SEPTIN7: variants seen among roughly 807,000 people sequenced by gnomAD.
SEPTIN7 encodes the protein septin-7.
In SEPTIN7, 10 loss-of-function variants were observed where a neutral mutation model predicts 63.3. The observed-to-expected ratio is 0.16, with a 90% CI of 0.10 to 0.27. The LOEUF (loss-of-function observed/expected upper bound fraction) is 0.27. Ranked by LOEUF, SEPTIN7 falls within the 10% of genes least tolerant of loss-of-function variation. The probability of loss-of-function intolerance (pLI) is 1.00; values close to 1 mark genes in which losing one functional copy is unlikely to be tolerated. For missense variants in SEPTIN7, 310 were observed against 521.0 expected (o/e 0.59, Z 3.94); for synonymous variants, 131 against 165.3 (o/e 0.79, Z 1.59).
At chr7:35,861,001 A>G (rs1785475722) in intron 3 of SEPTIN7, among the ~76,000 whole-genome samples, 1 of 151,476 alleles carries the variant, frequency 6.6e-6, no homozygotes. Context: ...GCTCTGTTTA[A>G]TTTTCTTCTT....
intron 1 of SEPTIN7, chr7:35,802,246 C>G (rs1245670582): frequency 5.5e-6 from 2 of 365,758 alleles, no homozygotes; most frequent in Non-Finnish European, 1.1e-5. Context: ...ATTTTCCACT[C>G]CTGAGTTCCA....
chr7:35,878,840 A>G (rs1786645117), intron 6 of SEPTIN7, among the ~76,000 whole-genome samples: 1 of 152,206 alleles, frequency 6.6e-6, no homozygotes, highest in South Asian at 2.1e-4. Flanking sequence ...CCCAGGTAGC[A>G]TATCCACTGG....
chr7:35,801,641 G>A (rs930641054), intron 1 of SEPTIN7, among the ~76,000 whole-genome samples: 1 of 152,154 alleles, frequency 6.6e-6, no homozygotes, highest in African/African-American at 2.4e-5. Context: ...TCCCGGGCCC[G>A]CCGGCTTCCG....
At chr7:35,883,767 C>T in intron 8 of SEPTIN7, 124 bp from the exon 9 acceptor site, 1 of 528,690 alleles carries the variant, frequency 1.9e-6, no homozygotes, top group South Asian at 3.3e-5. Context: ...AAAACTAATG[C>T]AGAAACTATC....
intron 10 of SEPTIN7, 122 bp from the exon 11 acceptor site, chr7:35,890,544 CTT>C (rs1787569482): frequency 6.2e-6 from 5 of 806,790 alleles, no homozygotes; most frequent in Middle Eastern, 4.3e-4. Context: ...TAACAATAGT[CTT>C]TTGTTCATTT....
intron 3 of SEPTIN7, among the ~76,000 whole-genome samples, chr7:35,854,569 C>G (rs1258950475): frequency 6.6e-6 from 1 of 152,224 alleles, no homozygotes; most frequent in Non-Finnish European, 1.5e-5. Flanking sequence ...TCCTGTAGTA[C>G]AGCTGTCTGG....
intron 4 of SEPTIN7, 74 bp from the exon 5 acceptor site, chr7:35,872,591 TC>T (rs1014786996): frequency 9.9e-6 from 11 of 1,114,648 alleles, no homozygotes; most frequent in Admixed American, 3.5e-5. Flanking sequence ...AACTCGAACG[TC>T]CCTACCATCA....
chr7:35,845,377 A>G (rs998262020), intron 3 of SEPTIN7, among the ~76,000 whole-genome samples: 1 of 152,188 alleles, frequency 6.6e-6, no homozygotes, highest in Non-Finnish European at 1.5e-5. Context: ...ATGGTAGACA[A>G]TGATATGCAG....
Position 35,802,379 on chromosome 7 carries a change from T to A in SEPTIN7, c.61+1109T>A, listed in dbSNP as rs148572063. On this transcript the variant is annotated intron_variant, in intron 1 of 13. Transcript: ENST00000350320. ...GGGTTTTTACAGTCCTAGGAAAGAATTTGTGACGTCCAGGTGTTTTCTTAG... is the reference window on the plus strand; with the variant it reads ...GGGTTTTTACAGTCCTAGGAAAGAAATTGTGACGTCCAGGTGTTTTCTTAG... 4.4e-3 allele frequency: 763 copies of A among 173,120 alleles called. 14 individuals carry two copies. The East Asian group carries it at 0.052, about 12-fold the overall frequency. The allele number at this position is 173,120 out of a possible 1,614,324, so 10.7% of individuals were successfully genotyped here.
At chr7:35,881,520 G>A (rs1289611735) in intron 7 of SEPTIN7, among the ~76,000 whole-genome samples, 1 of 149,014 alleles carries the variant, frequency 6.7e-6, no homozygotes, top group East Asian at 2.0e-4. Flanking sequence ...TTTAAATATA[G>A]GTACGTACCC....
At chr7:35,826,017 T>TA (rs1783494121) in intron 1 of SEPTIN7, among the ~76,000 whole-genome samples, 1 of 152,116 alleles carries the variant, frequency 6.6e-6, no homozygotes, top group East Asian at 1.9e-4. Flanking sequence ...ATGAGGAACA[T>TA]AAAAACTGAT....
chr7:35,892,814 A>G (rs1787728207), intron 11 of SEPTIN7, among the ~76,000 whole-genome samples: 2 of 152,162 alleles, frequency 1.3e-5, no homozygotes, highest in South Asian at 4.1e-4. Context: ...AAAGAGAGGA[A>G]TCATGACCAT....
chr7:35,866,220 TACTC>T (rs1019615235), intron 4 of SEPTIN7, among the ~76,000 whole-genome samples: 2 of 152,210 alleles, frequency 1.3e-5, no homozygotes, highest in African/African-American at 2.4e-5. Flanking sequence ...TTTGCCCACT[TACTC>T]AGGAAAGAAC....
chr7:35,864,713 G>A (rs1162237511), intron 4 of SEPTIN7, among the ~76,000 whole-genome samples: 11 of 152,088 alleles, frequency 7.2e-5, no homozygotes, highest in Non-Finnish European at 1.5e-4. Flanking sequence ...TTGTTTGTCA[G>A]CACTGCTCTA....
At chr7:35,865,011 TTC>T (rs1372620600) in intron 4 of SEPTIN7, among the ~76,000 whole-genome samples, 2 of 151,532 alleles carry the variant, frequency 1.3e-5, no homozygotes, top group Non-Finnish European at 2.9e-5. Flanking sequence ...TTCTCAATGT[TTC>T]TATTTTAGGA....
At chr7:35,890,511 A>G (rs1436525089) in intron 10 of SEPTIN7, 157 bp from the exon 11 acceptor site, 1 of 517,810 alleles carries the variant, frequency 1.9e-6, no homozygotes, top group East Asian at 3.9e-5. Context: ...GTGTAAATGA[A>G]AACAGATGAA....
rs1416168766 is a variant in SEPTIN7, at chr7:35,848,354, G to A, written c.170-15198G>A. Among the ~76,000 whole-genome samples the A allele has an allele frequency of 4.0e-5, 6 of 149,440 alleles. No individual in the cohort carries two copies. In the East Asian group the frequency reaches 9.9e-4, roughly 25 times the overall value. The stretch of plus-strand genomic sequence containing the variant: ...GTGATCTCGGCTCACTGCAAGCTCC[G>A]CCTCCCGGGTTCACGCCATTCTCCT... On this transcript the variant is annotated intron_variant, in intron 3 of 13. Transcript: ENST00000350320.
chr7:35,817,686 G>T (rs1483439857), intron 1 of SEPTIN7, among the ~76,000 whole-genome samples: 1 of 151,858 alleles, frequency 6.6e-6, no homozygotes, highest in African/African-American at 2.4e-5. Context: ...AGTATCTTCT[G>T]TTTATTTAGG....
rs141677770 is a variant in SEPTIN7 at position 35,817,609 on chromosome 7, A to T, written c.62-13883A>T. Among the ~76,000 whole-genome samples, 47 of 152,186 alleles carry T rather than the reference A, an allele frequency of 3.1e-4. No homozygotes were observed. In the East Asian group the frequency reaches 8.1e-3, roughly 26 times the overall value. On this transcript the variant is annotated intron_variant, in intron 1 of 13. Transcript: ENST00000350320. ...AGGATGTTGATAGCCATGGTGTTGAACTTGTATATCAATTTGAAGAGTATT... is the reference window on the plus strand; with the variant it reads ...AGGATGTTGATAGCCATGGTGTTGATCTTGTATATCAATTTGAAGAGTATT...
Sources: allele counts gnomAD v4.1 joint callset (sites outside exome capture counted in the v4.1 genomes callset), GRCh38; gene constraint gnomAD v4.1.1; transcripts MANE v1.5; gene names NCBI Gene and HGNC (gene_info 2026-07-23, HGNC 2026-07-21).